Variants in EDA observed in about 807,000 individuals in gnomAD.
The protein encoded by EDA is ectodysplasin A, also known as ectodysplasin-A.
Under a neutral mutation model 23.6 loss-of-function variants are expected in EDA, and 2 were observed. That is an observed-to-expected ratio of 0.08 (90% CI 0.03 to 0.27). The LOEUF is 0.27. Ranked by LOEUF, EDA falls within the 10% of genes least tolerant of loss-of-function variation. The probability of loss-of-function intolerance (pLI) is 1.00; values close to 1 mark genes in which losing one functional copy is unlikely to be tolerated. For missense variants in EDA, 229 were observed against 324.2 expected (o/e 0.71, Z 2.26); for synonymous variants, 131 against 132.0 (o/e 0.99, Z 0.05).
chrX:69,803,319 T>C (rs986908180), intron 1 of EDA, among the ~76,000 whole-genome samples: 6 of 110,763 alleles, frequency 5.4e-5, no homozygotes, highest in African/African-American at 2.0e-4. Flanking sequence ...TTTAAGACTT[T>C]AGTTTTGATT....
chrX:69,931,784 A>G (rs1403257263), intron 1 of EDA, among the ~76,000 whole-genome samples: 2 of 111,974 alleles, frequency 1.8e-5, no homozygotes, highest in African/African-American at 3.2e-5. Flanking sequence ...ATAGTTTGGC[A>G]GTTTCTTATA....
chrX:69,652,954 A>G (rs975888478), intron 1 of EDA, among the ~76,000 whole-genome samples: 22 of 111,564 alleles, frequency 2.0e-4, no homozygotes, highest in African/African-American at 6.5e-4. Context: ...TTGACTTGGC[A>G]ATGTGGGCTC....
intron 2 of EDA, among the ~76,000 whole-genome samples, chrX:69,966,046 C>A: frequency 9.0e-6 from 1 of 110,936 alleles, no homozygotes; most frequent in Non-Finnish European, 1.9e-5. Flanking sequence ...GACCGTTTCT[C>A]AAAAAAATAA....
At chrX:69,684,143 C>T (rs772609405) in intron 1 of EDA, among the ~76,000 whole-genome samples, 127 of 112,110 alleles carry the variant, frequency 1.1e-3, no homozygotes, top group Admixed American at 1.9e-3. Flanking sequence ...CTGAGATACT[C>T]GCTTATAATT....
intron 1 of EDA, among the ~76,000 whole-genome samples, chrX:69,839,349 G>A (rs1428488165): frequency 9.0e-6 from 1 of 111,370 alleles, no homozygotes; most frequent in African/African-American, 3.3e-5. Flanking sequence ...ACTTGGGCTT[G>A]GAACTTCCTA....
In EDA at chrX:69,957,421, G is replaced by A. The variant is rs1004058797; in HGVS notation, c.502+289G>A. 3.8e-5 allele frequency: 10 copies of A among 265,573 alleles called. No homozygotes were observed. In the Admixed American group the frequency reaches 3.9e-4, roughly 10 times the overall value. The allele number at this position is 265,573 out of a possible 1,213,427, so 21.9% of individuals were successfully genotyped here. On this transcript the variant is annotated intron_variant, in intron 2 of 7. Transcript: ENST00000374552. ...TTGAAACTGGGAGGTAGAGGTTGCA[G>A]TGAGCTGAGACTGTGCCACTGCACT... is the stretch of plus-strand genomic sequence containing the variant.
intron 1 of EDA, among the ~76,000 whole-genome samples, chrX:69,690,192 G>A (rs916361704): frequency 5.4e-5 from 6 of 111,179 alleles, no homozygotes; most frequent in Admixed American, 2.9e-4. Context: ...GTAACAATGC[G>A]TTGAATAGAA....
At chrX:69,692,406 T>C (rs931162807) in intron 1 of EDA, among the ~76,000 whole-genome samples, 18 of 111,471 alleles carry the variant, frequency 1.6e-4, no homozygotes, top group African/African-American at 5.5e-4. Flanking sequence ...TTCATCTCAA[T>C]AGGTCTCCAA....
intron 1 of EDA, among the ~76,000 whole-genome samples, chrX:69,643,971 C>T (rs1280993641): frequency 1.8e-5 from 2 of 111,288 alleles, no homozygotes; most frequent in Non-Finnish European, 3.8e-5. Context: ...GTCTATGTGT[C>T]TGTTCTTGTA....
intron 1 of EDA, among the ~76,000 whole-genome samples, chrX:69,723,293 T>C (rs1327966543): frequency 8.9e-6 from 1 of 112,170 alleles, no homozygotes; most frequent in Non-Finnish European, 1.9e-5. Context: ...ACTTACCTTG[T>C]GTGGGTACCC....
intron 1 of EDA, among the ~76,000 whole-genome samples, chrX:69,675,051 T>C (rs1476655062): frequency 4.5e-5 from 5 of 111,509 alleles, no homozygotes; most frequent in African/African-American, 1.6e-4. Flanking sequence ...TGGTGTGACC[T>C]TGGCTCATTG....
intron 1 of EDA, among the ~76,000 whole-genome samples, chrX:69,632,576 C>T (rs1932642176): frequency 8.9e-6 from 1 of 112,294 alleles, no homozygotes; most frequent in South Asian, 3.7e-4. Context: ...AACTCAGCAG[C>T]AATTCTGTAC....
chrX:69,725,700 C>T (rs2012771465), intron 1 of EDA, among the ~76,000 whole-genome samples: 1 of 112,600 alleles, frequency 8.9e-6, no homozygotes, highest in African/African-American at 3.2e-5. Flanking sequence ...GAACCAAGGA[C>T]AGGCATGTCA....
At chrX:69,710,428 G>A (rs1255592222) in intron 1 of EDA, among the ~76,000 whole-genome samples, 8 of 111,184 alleles carry the variant, frequency 7.2e-5, no homozygotes, top group African/African-American at 1.6e-4. Flanking sequence ...GTCAGGTAGT[G>A]TGATGCCTCC....
intron 1 of EDA, among the ~76,000 whole-genome samples, chrX:69,754,251 G>T (rs1309284046): frequency 9.0e-6 from 1 of 111,705 alleles, no homozygotes; most frequent in Non-Finnish European, 1.9e-5. Context: ...AGGAGCTCTT[G>T]TAAGGCAGGC....
chrX:69,792,917 G>C (rs2015441743), intron 1 of EDA, among the ~76,000 whole-genome samples: 1 of 111,874 alleles, frequency 8.9e-6, no homozygotes, highest in Admixed American at 9.5e-5. Context: ...CCACTCTGTG[G>C]GTTTCCTGCT....
At chrX:70,015,791 A>G (rs2019939419) in intron 2 of EDA, among the ~76,000 whole-genome samples, 1 of 111,957 alleles carries the variant, frequency 8.9e-6, no homozygotes, top group South Asian at 3.7e-4. Flanking sequence ...TAGACCATTG[A>G]CACTATAAAG....
intron 1 of EDA, among the ~76,000 whole-genome samples, chrX:69,951,245 A>G (rs1158207542): frequency 1.8e-5 from 2 of 111,447 alleles, no homozygotes; most frequent in Non-Finnish European, 1.9e-5. Context: ...GCCTTCCATC[A>G]TGTGAGTACA....
intron 1 of EDA, among the ~76,000 whole-genome samples, chrX:69,720,559 G>A (rs749314686): frequency 3.6e-5 from 4 of 111,453 alleles, no homozygotes; most frequent in Non-Finnish European, 5.7e-5. Context: ...TACTTTCCCT[G>A]TTTTTCAGAT....
Sources: allele counts gnomAD v4.1 joint callset (sites outside exome capture counted in the v4.1 genomes callset), GRCh38; gene constraint gnomAD v4.1.1; transcripts MANE v1.5; gene names NCBI Gene and HGNC (gene_info 2026-07-23, HGNC 2026-07-21).